Variants in PDLIM5 observed in about 807,000 individuals in gnomAD.
PDLIM5 encodes the protein PDZ and LIM domain protein 5.
Under a neutral mutation model 64.2 loss-of-function variants are expected in PDLIM5, and 34 were observed. That is an observed-to-expected ratio of 0.53 (90% CI 0.40 to 0.71). The LOEUF (loss-of-function observed/expected upper bound fraction) is 0.71. Ranked by LOEUF, PDLIM5 falls within the 30% of genes least tolerant of loss-of-function variation. PDLIM5 has a pLI of 0.00. For missense variants in PDLIM5, 683 were observed against 733.6 expected, an observed-to-expected ratio of 0.93 and a Z score of 0.80; for synonymous variants, 253 against 269.1, an observed-to-expected ratio of 0.94 and a Z score of 0.59.
intron 9 of PDLIM5, among the ~76,000 whole-genome samples, chr4:94,649,223 G>A (rs1176550482): frequency 4.6e-5 from 7 of 151,896 alleles, no homozygotes; most frequent in African/African-American, 1.7e-4. Flanking sequence ...TGATCCGCCC[G>A]TCTCAGCCTC....
chr4:94,619,650 A>G lies in PDLIM5; in HGVS notation c.1108+1459A>G, dbSNP rs371144469. On this transcript the variant is annotated intron_variant, in intron 8 of 12. Coordinates refer to ENST00000317968, the MANE Select transcript of PDLIM5 (RefSeq NM_006457.5). The stretch of plus-strand genomic sequence containing the variant: ...GCGAGACTCCATCTCAAAAAAAAAA[A>G]GAGAGACAGGATCTCACTCTGTTGC... Among the ~76,000 whole-genome samples the G allele has an allele frequency of 9.9e-5, 15 of 151,584 alleles. No individual in the cohort carries two copies. The East Asian group carries it at 2.5e-3, about 25-fold the overall frequency.
chr4:94,454,759 A>G (rs1030950044), intron 1 of PDLIM5, among the ~76,000 whole-genome samples: 1 of 152,250 alleles, frequency 6.6e-6, no homozygotes, highest in Non-Finnish European at 1.5e-5. Context: ...GTATTTGGAA[A>G]GCATGAATGG....
At chr4:94,607,480 T>C (rs1185278056) in intron 7 of PDLIM5, among the ~76,000 whole-genome samples, 5 of 152,192 alleles carry the variant, frequency 3.3e-5, no homozygotes, top group African/African-American at 7.2e-5. Flanking sequence ...AACCCTACGA[T>C]TGCATGCCAC....
intron 1 of PDLIM5, among the ~76,000 whole-genome samples, chr4:94,453,707 T>A (rs1363001322): frequency 1.3e-5 from 2 of 151,356 alleles, no homozygotes. Context: ...TCTGAAAATC[T>A]CCTCCTTTTA....
chr4:94,579,641 T>A, intron 5 of PDLIM5: 1 of 499,256 alleles, frequency 2.0e-6, no homozygotes, highest in Admixed American at 3.9e-5. Context: ...GCAAAAGAGC[T>A]GTAATTTAGA....
At chr4:94,457,737 T>C (rs1723505178) in intron 2 of PDLIM5, among the ~76,000 whole-genome samples, 1 of 152,246 alleles carries the variant, frequency 6.6e-6, no homozygotes, top group Admixed American at 6.5e-5. Flanking sequence ...ACTAGCTCCA[T>C]GTTGTGATGC....
At chr4:94,633,596 A>C (rs1740324615) in intron 8 of PDLIM5, among the ~76,000 whole-genome samples, 1 of 152,162 alleles carries the variant, frequency 6.6e-6, no homozygotes, top group Non-Finnish European at 1.5e-5. Context: ...CTTTAGTAGA[A>C]AGACAATAAT....
intron 2 of PDLIM5, among the ~76,000 whole-genome samples, chr4:94,476,373 G>A (rs147760391): frequency 0.012 from 1,792 of 151,962 alleles, 40 homozygotes; most frequent in African/African-American, 0.041. Context: ...TTTATAAATA[G>A]TAATTTATAA....
At chr4:94,524,797 T>C (rs1730193449) in intron 3 of PDLIM5, among the ~76,000 whole-genome samples, 1 of 152,166 alleles carries the variant, frequency 6.6e-6, no homozygotes, top group Admixed American at 6.5e-5. Flanking sequence ...AGGAGTTATA[T>C]TTATTGAAGT....
intron 2 of PDLIM5, among the ~76,000 whole-genome samples, chr4:94,486,287 A>G (rs1436045348): frequency 6.6e-6 from 1 of 152,202 alleles, no homozygotes; most frequent in African/African-American, 2.4e-5. Context: ...AAGGTTTTAT[A>G]TGTAGCCTCT....
At chr4:94,628,518 ATC>A (rs1433005611) in intron 8 of PDLIM5, among the ~76,000 whole-genome samples, 2 of 151,276 alleles carry the variant, frequency 1.3e-5, no homozygotes, top group Admixed American at 6.6e-5. Flanking sequence ...ATCTTAAAAT[ATC>A]TCTTTTTTTT....
At chr4:94,586,326 T>C (rs978200910) in intron 6 of PDLIM5, 82 bp from the exon 7 acceptor site, 5 of 732,686 alleles carry the variant, frequency 6.8e-6, no homozygotes, top group Non-Finnish European at 1.2e-5. Flanking sequence ...ACATTTGATA[T>C]TGATTGGTGC....
At chr4:94,599,461 A>G (rs939744563) in intron 7 of PDLIM5, among the ~76,000 whole-genome samples, 26 of 152,178 alleles carry the variant, frequency 1.7e-4, no homozygotes, top group African/African-American at 2.9e-4. Context: ...GAGGGATAGC[A>G]GACTGAGTGA....
chr4:94,649,000 G>C (rs1741634080), intron 9 of PDLIM5, among the ~76,000 whole-genome samples: 2 of 151,632 alleles, frequency 1.3e-5, no homozygotes, highest in South Asian at 4.2e-4. Flanking sequence ...TTTTGAGACA[G>C]AGTCTCACTC....
intron 9 of PDLIM5, among the ~76,000 whole-genome samples, chr4:94,647,921 C>T (rs1741545926): frequency 6.6e-6 from 1 of 152,078 alleles, no homozygotes; most frequent in Admixed American, 6.6e-5. Flanking sequence ...ACCAGTGGGT[C>T]AGAAAAGAAA....
chr4:94,572,286 T>C (rs1362958033), intron 3 of PDLIM5, among the ~76,000 whole-genome samples: 2 of 152,164 alleles, frequency 1.3e-5, no homozygotes, highest in South Asian at 2.1e-4. Flanking sequence ...ATATTAAACA[T>C]AACATATACC....
At chr4:94,583,177 G>A (rs1735878140) in intron 5 of PDLIM5, among the ~76,000 whole-genome samples, 1 of 151,866 alleles carries the variant, frequency 6.6e-6, no homozygotes. Flanking sequence ...TCACACTCTG[G>A]AGTTTCAGAA....
At chr4:94,457,190 C>G (rs1302172645) in intron 2 of PDLIM5, 1 of 970,358 alleles carries the variant, frequency 1.0e-6, no homozygotes, top group African/African-American at 1.8e-5. Flanking sequence ...TCCCATTTTA[C>G]TAACGGAGTC....
chr4:94,627,336 T>C (rs1270236495), intron 8 of PDLIM5, among the ~76,000 whole-genome samples: 4 of 152,220 alleles, frequency 2.6e-5, no homozygotes, highest in Non-Finnish European at 5.9e-5. Flanking sequence ...TGTTCCTTCA[T>C]TGAAATTTAT....
Sources: allele counts gnomAD v4.1 joint callset (sites outside exome capture counted in the v4.1 genomes callset), GRCh38; gene constraint gnomAD v4.1.1; transcripts MANE v1.5; gene names NCBI Gene and HGNC (gene_info 2026-07-23, HGNC 2026-07-21).